SCARA5: variants seen among roughly 807,000 people sequenced by gnomAD.
SCARA5 encodes the protein scavenger receptor class A, member 5 (putative).
SCARA5 carries 45 observed loss-of-function variants against 46.3 expected under a neutral mutation model. The ratio of observed to expected loss-of-function variants is 0.97; its 90% CI spans 0.76 to 1.24. SCARA5 has a LOEUF of 1.24. Ranked by LOEUF, SCARA5 falls within the 50% of genes most tolerant of loss-of-function variation. The pLI is 0.00. For synonymous variants in SCARA5, 333 were observed against 306.5 expected (o/e 1.09, Z -0.90); for missense variants, 680 against 689.0 (o/e 0.99, Z 0.15).
chr8:27,902,578 G>A (rs1467961177), intron 7 of SCARA5, among the ~76,000 whole-genome samples: 8 of 152,134 alleles, frequency 5.3e-5, no homozygotes, highest in East Asian at 3.9e-4. Context: ...TCTGGCATGC[G>A]GGCAGTGTTT....
At chr8:27,890,669 C>T (rs934659785) in intron 7 of SCARA5, among the ~76,000 whole-genome samples, 1 of 152,098 alleles carries the variant, frequency 6.6e-6, no homozygotes, top group Non-Finnish European at 1.5e-5. Context: ...CCACAGATCC[C>T]ACCTGCTCAG....
chr8:27,896,178 T>A (rs991859781), intron 7 of SCARA5, among the ~76,000 whole-genome samples: 1 of 152,186 alleles, frequency 6.6e-6, no homozygotes, highest in South Asian at 2.1e-4. Context: ...AAGACAGTGA[T>A]GCTATGTGCC....
At chr8:27,918,645 A>G (rs1807511530) in intron 4 of SCARA5, among the ~76,000 whole-genome samples, 4 of 792 alleles carry the variant, frequency 5.1e-3, no homozygotes, top group Non-Finnish European at 0.013. Flanking sequence ...GAAGATGAGG[A>G]GGAGGAAAAG....
At chr8:27,887,658 C>G (rs1167253423) in intron 7 of SCARA5, among the ~76,000 whole-genome samples, 1 of 152,196 alleles carries the variant, frequency 6.6e-6, no homozygotes, top group Non-Finnish European at 1.5e-5. Context: ...AGCAGAGACA[C>G]CCAGATATCC....
In SCARA5 at chr8:27,880,119, C is replaced by T. The variant is rs557725347; in HGVS notation, c.1154-353G>A. ...AAAGGACTCCCTATTCAATAAATGG[C>T]GCTGGGATAGTTGGCTAGCCGTATG... On this transcript the variant is annotated intron_variant, in intron 7 of 8. Transcript: ENST00000354914. Among the ~76,000 whole-genome samples the T allele has an allele frequency of 2.4e-3, 364 of 150,664 alleles. 2 individuals carry two copies. The highest frequency in any genetic ancestry group is 4.1e-3 in the Non-Finnish European group (277 of 67,786).
intron 3 of SCARA5, among the ~76,000 whole-genome samples, chr8:27,959,697 G>A (rs1017780065): frequency 5.9e-5 from 9 of 152,246 alleles, no homozygotes; most frequent in Non-Finnish European, 1.3e-4. Context: ...GTTCCGGCAA[G>A]AAGAACTAGA....
chr8:27,899,044 C>A (rs1369175170), intron 7 of SCARA5, among the ~76,000 whole-genome samples: 3 of 152,216 alleles, frequency 2.0e-5, no homozygotes, highest in African/African-American at 7.2e-5. Flanking sequence ...ATGAACCTAA[C>A]TTTTCCTGAG....
intron 2 of SCARA5, among the ~76,000 whole-genome samples, chr8:27,978,974 A>G (rs561921364): frequency 6.6e-6 from 1 of 151,346 alleles, no homozygotes; most frequent in South Asian, 2.1e-4. Flanking sequence ...ACACACTCCC[A>G]CTCCTCACTT....
chr8:27,961,293 T>G (rs1808290446), intron 3 of SCARA5, among the ~76,000 whole-genome samples: 1 of 152,170 alleles, frequency 6.6e-6, no homozygotes, highest in Non-Finnish European at 1.5e-5. Context: ...GAGTGAGTTC[T>G]TGCTCCATTA....
chr8:27,897,152 T>C (rs1807076678), intron 7 of SCARA5, among the ~76,000 whole-genome samples: 1 of 151,554 alleles, frequency 6.6e-6, no homozygotes, highest in Admixed American at 6.6e-5. Context: ...TCCAACTAGA[T>C]AGCTGGCCCC....
chr8:27,912,475 T>C (rs1191814185), intron 4 of SCARA5, among the ~76,000 whole-genome samples: 1 of 152,206 alleles, frequency 6.6e-6, no homozygotes, highest in Non-Finnish European at 1.5e-5. Flanking sequence ...GACCACATGA[T>C]TGAGTTAGAG....
At chr8:27,991,322 G>C (rs1313363968) in intron 1 of SCARA5, among the ~76,000 whole-genome samples, 1 of 152,218 alleles carries the variant, frequency 6.6e-6, no homozygotes. Flanking sequence ...ATGAGAAAAA[G>C]CATCCCCCAG....
At chr8:27,981,840 A>G (rs1808620529) in intron 2 of SCARA5, among the ~76,000 whole-genome samples, 1 of 152,146 alleles carries the variant, frequency 6.6e-6, no homozygotes, top group Non-Finnish European at 1.5e-5. Flanking sequence ...CTGGGTTAAT[A>G]GTCCCCTCTC....
intron 2 of SCARA5, 108 bp from the exon 3 acceptor site, chr8:27,966,650 G>A: frequency 8.3e-7 from 1 of 1,206,522 alleles, no homozygotes; most frequent in Non-Finnish European, 1.1e-6. Context: ...TGTTCATGTT[G>A]AACTTCTCAC....
intron 3 of SCARA5, among the ~76,000 whole-genome samples, chr8:27,938,761 C>G (rs1357383742): frequency 6.6e-6 from 1 of 152,134 alleles, no homozygotes; most frequent in African/African-American, 2.4e-5. Flanking sequence ...ATCCAGCTTG[C>G]TGGATTTCAC....
chr8:27,945,784 G>A (rs1808027185), intron 3 of SCARA5, among the ~76,000 whole-genome samples: 1 of 152,220 alleles, frequency 6.6e-6, no homozygotes, highest in Non-Finnish European at 1.5e-5. Context: ...TAAACAGCCA[G>A]TCTCCTTAAG....
At chr8:27,905,942 C>G (rs1440960075) in intron 6 of SCARA5, among the ~76,000 whole-genome samples, 2 of 152,108 alleles carry the variant, frequency 1.3e-5, no homozygotes, top group African/African-American at 4.8e-5. Context: ...AACTCCTGGC[C>G]TCAAGTGATC....
At chr8:27,875,822 C>T (rs985201091) in intron 8 of SCARA5, among the ~76,000 whole-genome samples, 1 of 152,270 alleles carries the variant, frequency 6.6e-6, no homozygotes, top group Non-Finnish European at 1.5e-5. Flanking sequence ...TAGCAAGACC[C>T]TATTTCTCCA....
chr8:27,950,760 C>T (rs540675453), intron 3 of SCARA5, among the ~76,000 whole-genome samples: 14 of 152,142 alleles, frequency 9.2e-5, no homozygotes, highest in Middle Eastern at 3.4e-3. Flanking sequence ...AGCAATGCCT[C>T]GGAATCCAGT....
Sources: gnomAD v4.1 joint callset for allele counts (sites outside exome capture counted in the v4.1 genomes callset) on GRCh38, gnomAD v4.1.1 for gene constraint, MANE v1.5 for transcripts, NCBI Gene and HGNC (gene_info 2026-07-23, HGNC 2026-07-21) for gene names.